COL4A6: variants seen among roughly 807,000 people sequenced by gnomAD.
COL4A6 encodes collagen alpha-6(IV) chain.
Under a neutral mutation model 126.7 loss-of-function variants are expected in COL4A6, and 59 were observed. That is an observed-to-expected ratio of 0.47 (90% CI 0.38 to 0.58). The LOEUF (loss-of-function observed/expected upper bound fraction) is 0.58. COL4A6 is among the 20% of genes least tolerant of loss of function. The pLI, the probability that COL4A6 is intolerant of heterozygous loss-of-function variation, is 0.00. For missense variants in COL4A6, 1,285 were observed against 1,337.3 expected, an observed-to-expected ratio of 0.96 and a Z score of 0.61; for synonymous variants, 547 against 496.6, an observed-to-expected ratio of 1.10 and a Z score of -1.35.
At chrX:108,201,006 C>T (rs1602785425) in intron 13 of COL4A6, among the ~76,000 whole-genome samples, 1 of 112,178 alleles carries the variant, frequency 8.9e-6, no homozygotes, top group African/African-American at 3.2e-5. Flanking sequence ...GTTCTGTCTC[C>T]AACACTAGGG....
At chrX:108,212,195 A>G (rs1340109466) in intron 6 of COL4A6, among the ~76,000 whole-genome samples, 2 of 104,546 alleles carry the variant, frequency 1.9e-5, no homozygotes, top group Admixed American at 2.1e-4. Flanking sequence ...ACTCTGTTTT[A>G]TACTCTTCTT....
intron 2 of COL4A6, among the ~76,000 whole-genome samples, chrX:108,364,941 C>T (rs1364870949): frequency 9.0e-6 from 1 of 110,758 alleles, no homozygotes; most frequent in Admixed American, 9.7e-5. Flanking sequence ...TTCTAGCCAC[C>T]CAGACTTCCC....
chrX:108,158,940 C>T (rs1044434103), intron 44 of COL4A6, among the ~76,000 whole-genome samples: 1 of 112,462 alleles, frequency 8.9e-6, no homozygotes, highest in African/African-American at 3.2e-5. Flanking sequence ...CTGGCCGCTG[C>T]CTTCACACCG....
rs978821551 is a variant in COL4A6 at position 108,390,743 on chromosome X, A to T, written c.63+47199T>A. Among the ~76,000 whole-genome samples, 4 of 109,450 alleles carry T rather than the reference A, an allele frequency of 3.7e-5. No homozygotes were observed. The East Asian group carries it at 1.2e-3, about 32-fold the overall frequency. On this transcript the variant is annotated intron_variant, in intron 2 of 44. Coordinates refer to ENST00000334504, the MANE Select transcript of COL4A6 (RefSeq NM_033641.4). ...AAGCCTACTTCTGTCAGTTCATCAAACTCATTCTCCATCCAGTTTTGTTTC... is the reference window on the plus strand; with the variant it reads ...AAGCCTACTTCTGTCAGTTCATCAATCTCATTCTCCATCCAGTTTTGTTTC...
At chrX:108,351,851 C>T (rs947213646) in intron 2 of COL4A6, among the ~76,000 whole-genome samples, 6 of 111,942 alleles carry the variant, frequency 5.4e-5, no homozygotes, top group Admixed American at 3.8e-4. Flanking sequence ...AACATCCACG[C>T]ATACACACAC....
chrX:108,171,537 ACAT>A (rs2034303683), intron 32 of COL4A6, 76 bp from the exon 33 acceptor site: 15 of 901,968 alleles, frequency 1.7e-5, no homozygotes, highest in Non-Finnish European at 2.2e-5. Flanking sequence ...TCTTTTGAAC[ACAT>A]TTTTTTTTTC....
At position 108,205,443 on chromosome X, in the gene COL4A6, A is replaced by G. The variant is rs776479345; in HGVS notation, c.683T>C (p.Val228Ala). 1.7e-6 allele frequency: 2 copies of G among 1,199,771 alleles called. No homozygotes were observed. The highest frequency in any genetic ancestry group is 3.5e-5 in the South Asian group (2 of 56,544). Residue 228 changes from valine to alanine, a missense_variant, in exon 11 of 45, where the codon GTC (valine) becomes GCC (alanine). Transcript: ENST00000334504. ...MGLGFQGEKG[V>A]KGDVGLPGPA... The stretch of plus-strand genomic sequence containing the variant: ...TATTTTTTAAAAGCTGTTTACCTTG[A>G]CTCCTTTCTCTCCTTGAAAACCTAG...
chrX:108,281,787 C>T (rs1037801806), intron 3 of COL4A6, among the ~76,000 whole-genome samples: 1 of 110,043 alleles, frequency 9.1e-6, no homozygotes, highest in Non-Finnish European at 1.9e-5. Context: ...GGCACTGGTA[C>T]CAAAACAGAG....
At position 108,272,035 on chromosome X, in the gene COL4A6, A is replaced by C. The variant is rs190199632; in HGVS notation, c.144+38713T>G. 4.2e-4 allele frequency among the ~76,000 whole-genome samples: 47 copies of C among 111,492 alleles called. 1 individual carries two copies. In the East Asian group the frequency reaches 0.012, roughly 28 times the overall value. ...CCTTATTACCTTTGTACCAAGCCCA[A>C]GTGCAACCCCTGTCATCTTTCACTC... On this transcript the variant is annotated intron_variant, in intron 3 of 44. Coordinates refer to ENST00000334504, the MANE Select transcript of COL4A6 (RefSeq NM_033641.4).
intron 3 of COL4A6, among the ~76,000 whole-genome samples, chrX:108,233,307 T>A (rs2036357164): frequency 8.9e-6 from 1 of 111,743 alleles, no homozygotes; most frequent in African/African-American, 3.3e-5. Flanking sequence ...ATATTGCCCA[T>A]CATTGATATG....
At chrX:108,268,476 G>A (rs1332116) in intron 3 of COL4A6, 29,333 of 111,298 alleles carry the variant, frequency 0.26, 3,194 homozygotes, top group East Asian at 0.61. Context: ...TTAGAAATTT[G>A]CCAAATGGCA....
intron 2 of COL4A6, among the ~76,000 whole-genome samples, chrX:108,378,140 T>A (rs981927809): frequency 9.1e-6 from 1 of 110,483 alleles, no homozygotes; most frequent in Non-Finnish European, 1.9e-5. Context: ...GAAATTCCAA[T>A]GCAAATATAT....
chrX:108,344,637 A>T (rs2039666870), intron 2 of COL4A6, among the ~76,000 whole-genome samples: 1 of 112,101 alleles, frequency 8.9e-6, no homozygotes, highest in South Asian at 3.7e-4. Flanking sequence ...CCAATGAGTG[A>T]TTATGAGAAA....
intron 2 of COL4A6, among the ~76,000 whole-genome samples, chrX:108,334,641 T>C (rs764350050): frequency 9.0e-6 from 1 of 111,506 alleles, no homozygotes; most frequent in Admixed American, 9.6e-5. Flanking sequence ...ACAACTCACT[T>C]TACCTTTCTT....
At chrX:108,265,035 A>G (rs1453089709) in intron 3 of COL4A6, among the ~76,000 whole-genome samples, 1 of 112,175 alleles carries the variant, frequency 8.9e-6, no homozygotes, top group Non-Finnish European at 1.9e-5. Flanking sequence ...CCTTCCTCAT[A>G]GGCTAGAAGA....
At chrX:108,292,953 G>GAA (rs1299619024) in intron 3 of COL4A6, among the ~76,000 whole-genome samples, 1,127 of 13,269 alleles carry the variant, frequency 0.085, 40 homozygotes, top group African/African-American at 0.23. Flanking sequence ...CGTCTCTTAG[G>GAA]AAAAAAAAAA....
At chrX:108,231,497 C>T (rs1311111096) in intron 3 of COL4A6, among the ~76,000 whole-genome samples, 2 of 112,303 alleles carry the variant, frequency 1.8e-5, no homozygotes, top group African/African-American at 6.5e-5. Context: ...TCCTTAAATT[C>T]ACCTCCTCTA....
chrX:108,236,866 C>A (rs938178285), intron 3 of COL4A6, among the ~76,000 whole-genome samples: 1 of 111,595 alleles, frequency 9.0e-6, no homozygotes, highest in Non-Finnish European at 1.9e-5. Context: ...ACTCTTTTCC[C>A]TTCTGAAACC....
chrX:108,387,245 C>T (rs1200379160), intron 2 of COL4A6, among the ~76,000 whole-genome samples: 8 of 111,722 alleles, frequency 7.2e-5, no homozygotes, highest in Middle Eastern at 4.6e-3. Flanking sequence ...TTTCCAATTC[C>T]GTGAAGAAAG....
Sources: gnomAD v4.1 joint callset for allele counts (sites outside exome capture counted in the v4.1 genomes callset) on GRCh38, gnomAD v4.1.1 for gene constraint, MANE v1.5 for transcripts, NCBI Gene and HGNC (gene_info 2026-07-23, HGNC 2026-07-21) for gene names.